CADPS: variants seen among roughly 807,000 people sequenced by gnomAD.
CADPS encodes calcium-dependent secretion activator 1.
CADPS carries 57 observed loss-of-function variants against 167.3 expected under a neutral mutation model. The ratio of observed to expected loss-of-function variants is 0.34; its 90% CI spans 0.28 to 0.42. The LOEUF (loss-of-function observed/expected upper bound fraction) is 0.42, where lower values mean the gene tolerates loss of function less well. Ranked by LOEUF, CADPS falls within the 20% of genes least tolerant of loss-of-function variation. The probability of loss-of-function intolerance (pLI) is 1.00; values close to 1 mark genes in which losing one functional copy is unlikely to be tolerated. For missense variants in CADPS, 1,414 were observed against 1,738.1 expected, an observed-to-expected ratio of 0.81 and a Z score of 3.32; for synonymous variants, 676 against 635.3, an observed-to-expected ratio of 1.06 and a Z score of -0.96.
At chr3:62,618,959 T>C (rs545023505) in intron 6 of CADPS, among the ~76,000 whole-genome samples, 3 of 152,330 alleles carry the variant, frequency 2.0e-5, no homozygotes, top group Non-Finnish European at 4.4e-5. Flanking sequence ...TAATTAGGTA[T>C]TGATGACTAG....
chr3:62,499,127 G>T, intron 18 of CADPS, 35 bp downstream of exon 18: 1 of 1,333,948 alleles, frequency 7.5e-7, no homozygotes, highest in Non-Finnish European at 1.1e-6. Flanking sequence ...TCAGCTAAGG[G>T]ACAGTAAGAT....
At position 62,601,361 on chromosome 3, in the gene CADPS, A is replaced by G. The variant is rs2059941139; in HGVS notation, c.1326-8613T>C. 6.6e-6 allele frequency among the ~76,000 whole-genome samples: 1 copy of G among 152,218 alleles called. No homozygotes were observed. Among genetic ancestry groups the G allele is most frequent in the Non-Finnish European group, 1.5e-5 (1 of 68,044 alleles). On this transcript the variant is annotated intron_variant, in intron 6 of 29. Transcript: ENST00000383710. This position sits in a 1 kb window ranked among gnomAD's most constrained non-coding sequence, Gnocchi z 4.3. Reference sequence around the variant, plus strand: ...TTATGACAGAGAATATAGGGCCAACAAACCGAAAATTTTTACTTTCTGGTC... The same window carrying G: ...TTATGACAGAGAATATAGGGCCAACGAACCGAAAATTTTTACTTTCTGGTC...
chr3:62,591,316 C>T (rs1466852512), intron 7 of CADPS, among the ~76,000 whole-genome samples: 1 of 152,088 alleles, frequency 6.6e-6, no homozygotes, highest in African/African-American at 2.4e-5. Flanking sequence ...TTGGTGATCA[C>T]TTTAGTAGTA....
chr3:62,451,325 A>G (rs529598000), intron 26 of CADPS, among the ~76,000 whole-genome samples: 3 of 152,190 alleles, frequency 2.0e-5, no homozygotes, highest in South Asian at 4.1e-4. Flanking sequence ...GCCTGGCCCT[A>G]AAAAGGGGAC....
At position 62,789,978 on chromosome 3, in the gene CADPS, G is replaced by T. The variant is rs567630147; in HGVS notation, c.442-23994C>A. Reference sequence around the variant, plus strand: ...CTTGAAAAAAATAGCCATAGTCCATGCTCTCAGGGAGTTTACTTTTATATA... The same window carrying T: ...CTTGAAAAAAATAGCCATAGTCCATTCTCTCAGGGAGTTTACTTTTATATA... On this transcript the variant is annotated intron_variant, in intron 1 of 29. Transcript: ENST00000383710. 3.9e-5 allele frequency among the ~76,000 whole-genome samples: 6 copies of T among 151,924 alleles called. No individual in the cohort carries two copies. In the South Asian group the frequency reaches 1.3e-3, roughly 32 times the overall value.
chr3:62,735,358 G>GC (rs1287710468), intron 3 of CADPS, among the ~76,000 whole-genome samples: 1 of 85,740 alleles, frequency 1.2e-5, no homozygotes, highest in Non-Finnish European at 2.1e-5. Flanking sequence ...GGGATTAACA[G>GC]CAAAGCAATA....
intron 3 of CADPS, among the ~76,000 whole-genome samples, chr3:62,727,955 C>T (rs575696528): frequency 2.0e-5 from 3 of 151,942 alleles, no homozygotes; most frequent in Admixed American, 2.0e-4. Context: ...TTTGGTTCTA[C>T]TTGTGTTTGC....
chr3:62,460,744 T>C (rs1337684762), intron 26 of CADPS, among the ~76,000 whole-genome samples: 1 of 152,212 alleles, frequency 6.6e-6, no homozygotes, highest in Non-Finnish European at 1.5e-5. Context: ...CTGTTTTGTT[T>C]CATTTCCAGG....
intron 6 of CADPS, among the ~76,000 whole-genome samples, chr3:62,593,130 G>A (rs1474623442): frequency 6.6e-6 from 1 of 152,174 alleles, no homozygotes. Flanking sequence ...TACATCTTGG[G>A]ATGGGGCTTC....
At chr3:62,849,994 G>A (rs1457455491) in intron 1 of CADPS, among the ~76,000 whole-genome samples, 1 of 119,034 alleles carries the variant, frequency 8.4e-6, no homozygotes, top group Non-Finnish European at 1.8e-5. Flanking sequence ...CTTCTTCCTG[G>A]TTTAGTCTTG....
chr3:62,639,922 C>A (rs1389930113), intron 6 of CADPS, among the ~76,000 whole-genome samples: 4 of 152,114 alleles, frequency 2.6e-5, no homozygotes, highest in Non-Finnish European at 5.9e-5. Flanking sequence ...CTTCCCTATG[C>A]CCCCACTACT....
At chr3:62,780,393 G>A (rs1056426688) in intron 1 of CADPS, among the ~76,000 whole-genome samples, 8 of 152,078 alleles carry the variant, frequency 5.3e-5, no homozygotes, top group African/African-American at 1.9e-4. Context: ...ACTCCAGCCT[G>A]GGTGACAGAG....
chr3:62,459,276 C>G (rs1325487363), intron 26 of CADPS, among the ~76,000 whole-genome samples: 3 of 152,174 alleles, frequency 2.0e-5, no homozygotes, highest in Non-Finnish European at 4.4e-5. Context: ...ACCCAGCTGG[C>G]TTATAACAGG....
intron 28 of CADPS, among the ~76,000 whole-genome samples, chr3:62,427,149 A>G (rs185514746): frequency 5.2e-4 from 79 of 152,234 alleles, no homozygotes; most frequent in Middle Eastern, 3.4e-3. Flanking sequence ...TTGAACTGAC[A>G]AGATCTGAGT....
chr3:62,681,922 G>A (rs572137441), intron 3 of CADPS, among the ~76,000 whole-genome samples: 9 of 152,192 alleles, frequency 5.9e-5, no homozygotes, highest in African/African-American at 1.9e-4. Flanking sequence ...TGGCAATTCA[G>A]GCCTTTTGTT....
At chr3:62,579,549 C>A (rs2082975870) in intron 8 of CADPS, among the ~76,000 whole-genome samples, 1 of 151,886 alleles carries the variant, frequency 6.6e-6, no homozygotes, top group Non-Finnish European at 1.5e-5. Flanking sequence ...CACAGCGGGG[C>A]CAGGTAAGGC....
chr3:62,766,007 G>A, intron 1 of CADPS, 23 bp from the exon 2 acceptor site: 2 of 1,515,358 alleles, frequency 1.3e-6, no homozygotes, highest in Non-Finnish European at 1.8e-6. Flanking sequence ...GAAAAAGAGG[G>A]AAATGTGAGA....
At chr3:62,761,148 T>A (rs558284037) in intron 2 of CADPS, among the ~76,000 whole-genome samples, 1 of 152,280 alleles carries the variant, frequency 6.6e-6, no homozygotes, top group South Asian at 2.1e-4. Flanking sequence ...TTCCTTCTTT[T>A]CTGAAGCTTA....
intron 11 of CADPS, 85 bp from the exon 12 acceptor site, chr3:62,536,666 C>T (rs1297569870): frequency 3.1e-5 from 42 of 1,368,096 alleles, no homozygotes; most frequent in Middle Eastern, 1.8e-4. Flanking sequence ...CAGGAATTCA[C>T]TAGACATTAT....
Sources: allele counts gnomAD v4.1 joint callset (sites outside exome capture counted in the v4.1 genomes callset), GRCh38; gene constraint gnomAD v4.1.1; non-coding constraint Gnocchi (gnomAD v3.1); transcripts MANE v1.5; gene names NCBI Gene and HGNC (gene_info 2026-07-23, HGNC 2026-07-21).